The following MROH1 variants were observed in gnomAD, a reference collection of about 807,000 sequenced individuals.
MROH1 encodes maestro heat like repeat family member 1, also known as maestro heat-like repeat-containing protein family member 1.
In MROH1, 117 loss-of-function variants were observed where a neutral mutation model predicts 116.5. That is an observed-to-expected ratio of 1.00 (90% CI 0.86 to 1.17). The LOEUF (loss-of-function observed/expected upper bound fraction) is 1.17. Ranked by LOEUF, MROH1 falls within the 50% of genes most tolerant of loss-of-function variation. MROH1 has a pLI of 0.00. For synonymous variants in MROH1, 921 were observed against 583.9 expected (o/e 1.58, Z -8.32); for missense variants, 1,873 against 1,338.5 (o/e 1.40, Z -6.23).
intron 13 of MROH1, among the ~76,000 whole-genome samples, chr8:144,222,446 C>A (rs1485820311): frequency 1.3e-5 from 2 of 152,176 alleles, no homozygotes; most frequent in Non-Finnish European, 2.9e-5. Flanking sequence ...CTTCCAGGGG[C>A]AAAGGGGCCT....
chr8:144,240,523 T>A (rs1440479094), intron 19 of MROH1, 47 bp from the exon 20 acceptor site: 1 of 712,970 alleles, frequency 1.4e-6, no homozygotes, highest in African/African-American at 1.7e-5. Context: ...CAGCCAGCCC[T>A]GTGAGGGGTC....
intron 29 of MROH1, among the ~76,000 whole-genome samples, chr8:144,245,462 C>T (rs1361876306): frequency 6.6e-6 from 1 of 152,226 alleles, no homozygotes; most frequent in Non-Finnish European, 1.5e-5. Flanking sequence ...ATCAGGGGTC[C>T]ACTGTTAGCC....
intron 12 of MROH1, among the ~76,000 whole-genome samples, chr8:144,203,639 G>A (rs887477069): frequency 1.3e-5 from 2 of 152,100 alleles, no homozygotes; most frequent in Non-Finnish European, 2.9e-5. Context: ...GGCTGCTCTG[G>A]TCAGTGGTCC....
chr8:144,167,069 C>T (rs1229472196), intron 3 of MROH1, among the ~76,000 whole-genome samples: 1 of 152,208 alleles, frequency 6.6e-6, no homozygotes, highest in Non-Finnish European at 1.5e-5. Context: ...TTCCTCTGCC[C>T]CAGCAGGTGC....
intron 7 of MROH1, among the ~76,000 whole-genome samples, chr8:144,183,617 A>G (rs910255177): frequency 2.6e-5 from 4 of 151,466 alleles, no homozygotes; most frequent in South Asian, 2.1e-4. Context: ...TTGATTTCAC[A>G]TGGGAGACAA....
rs1346718979 is a variant in MROH1, at chr8:144,261,436, G to A, written c.4840+87G>A. On this transcript the variant is annotated intron_variant, in intron 43 of 43. Coordinates refer to ENST00000326134, the MANE Select transcript of MROH1 (RefSeq NM_032450.3). ...GACTAAGTGATTTTCCTGGATTTCA[G>A]GACTTTTTCCCTGTCACTGGTGACC... The A allele has an allele frequency of 2.4e-4, 170 of 700,004 alleles. 5 individuals are homozygous for A. The highest frequency in any genetic ancestry group is 2.4e-3 in the South Asian group (160 of 67,462). 43.4% of individuals were successfully genotyped at this position (700,004 alleles called of 1,614,324 possible).
chr8:144,178,671 C>T lies in MROH1; in HGVS notation c.169-784C>T, dbSNP rs914861176. Among the ~76,000 whole-genome samples, 3 of 152,262 alleles carry T rather than the reference C, an allele frequency of 2.0e-5. No homozygotes were observed. The South Asian group carries it at 6.3e-4, about 32-fold the overall frequency. On this transcript the variant is annotated intron_variant, in intron 4 of 43. Coordinates refer to ENST00000326134, the MANE Select transcript of MROH1 (RefSeq NM_032450.3). Reference sequence around the variant, plus strand: ...CGGCCATGTTGCCTGGTGCAGGCTGCTCTCAGGGTGGTGGAGGGAGGGGCC... The same window carrying T: ...CGGCCATGTTGCCTGGTGCAGGCTGTTCTCAGGGTGGTGGAGGGAGGGGCC...
At chr8:144,221,955 G>A (rs1243692132) in intron 13 of MROH1, among the ~76,000 whole-genome samples, 1 of 152,180 alleles carries the variant, frequency 6.6e-6, no homozygotes, top group Admixed American at 6.5e-5. Flanking sequence ...GGGAAGGGCT[G>A]GTTGCGCCAC....
chr8:144,236,517 G>T (rs1359454520), intron 14 of MROH1, among the ~76,000 whole-genome samples: 1 of 152,106 alleles, frequency 6.6e-6, no homozygotes, highest in Non-Finnish European at 1.5e-5. Flanking sequence ...GAGGTGGGTG[G>T]ATCACTTGAA....
intron 17 of MROH1, 48 bp downstream of exon 17, chr8:144,239,411 C>G: frequency 1.3e-6 from 1 of 780,376 alleles, no homozygotes; most frequent in Non-Finnish European, 2.4e-6. Flanking sequence ...CTCTGTGTCC[C>G]TGTGCTCCAC....
rs761478358 is a variant in MROH1 at position 144,190,742 on chromosome 8, AACCC to A, written c.563-40_563-37del. ...GACATAGGTGCTGAGGATCGTCACA[AACCC>A]ATGGCCTGCAGCCACTTACCACTGG... On this transcript the variant is annotated intron_variant, in intron 7 of 43. Transcript: ENST00000326134. 119 of 1,597,308 alleles carry A rather than the reference AACCC, an allele frequency of 7.5e-5. No individual in the cohort carries two copies. In the East Asian group the frequency reaches 2.6e-3, roughly 35 times the overall value.
intron 4 of MROH1, 115 bp from the exon 5 acceptor site, chr8:144,179,340 T>A: frequency 6.9e-7 from 1 of 1,456,718 alleles, no homozygotes; most frequent in Non-Finnish European, 9.3e-7. Context: ...CCTCCCCTCC[T>A]GCACTTGAGG....
chr8:144,213,987 C>T (rs1394648253), intron 12 of MROH1: 1 of 151,982 alleles, frequency 6.6e-6, no homozygotes, highest in Non-Finnish European at 1.5e-5. Context: ...AGATGTTCTT[C>T]TTTTTCTTTA....
At chr8:144,223,567 G>GAC (rs1259391231) in intron 14 of MROH1, among the ~76,000 whole-genome samples, 1 of 152,184 alleles carries the variant, frequency 6.6e-6, no homozygotes. Context: ...CATTGAGCCA[G>GAC]TCCTCTCAGC....
At chr8:144,237,990 G>C (rs1187067209) in intron 14 of MROH1, among the ~76,000 whole-genome samples, 1 of 152,150 alleles carries the variant, frequency 6.6e-6, no homozygotes, top group African/African-American at 2.4e-5. Flanking sequence ...TTTCATGGGT[G>C]TTGTGGATTT....
intron 29 of MROH1, among the ~76,000 whole-genome samples, chr8:144,246,024 TCCCTCACCTCCCTCCCTTCCTC>T (rs1364151856): frequency 1.4e-5 from 1 of 73,220 alleles, no homozygotes; most frequent in African/African-American, 5.8e-5. Context: ...TTTCCCTCCC[TCCCTCACCTCCCTCCCTTCCTC>T]CCCTCCCTCC....
chr8:144,242,253 C>G, intron 22 of MROH1, 116 bp from the exon 23 acceptor site: 1 of 773,398 alleles, frequency 1.3e-6, no homozygotes, highest in Non-Finnish European at 2.4e-6. Flanking sequence ...CCTCTGCTGT[C>G]ACTGACTGGC....
chr8:144,192,698 C>G, intron 10 of MROH1: 1 of 566,056 alleles, frequency 1.8e-6, no homozygotes, highest in African/African-American at 1.8e-5. Flanking sequence ...GTCAGCGCAG[C>G]TGAAGTGCCA....
rs1473097878 is a variant in MROH1, at chr8:144,190,831, G to A, written c.610G>A (p.Asp204Asn). The A allele has an allele frequency of 6.2e-7, 1 of 1,613,758 alleles. No individual in the cohort carries two copies. The highest frequency in any genetic ancestry group is 1.1e-5 in the South Asian group (1 of 91,078). Residue 204 changes from aspartate to asparagine, a missense_variant, in exon 8 of 44, where the codon GAC (aspartate) becomes AAC (asparagine). Coordinates refer to ENST00000326134, the MANE Select transcript of MROH1 (RefSeq NM_032450.3). ...TGCCCTGGAGTACCTAGCCAACCTG[G>A]ACCGAGCCCCAGACCCCACGGTCAG... Reference protein sequence around the residue: ...EGALEYLANLDRAPDPTVRKD... With the variant: ...EGALEYLANLNRAPDPTVRKD...
Sources: allele counts gnomAD v4.1 joint callset (sites outside exome capture counted in the v4.1 genomes callset), GRCh38; gene constraint gnomAD v4.1.1; transcripts MANE v1.5; gene names NCBI Gene and HGNC (gene_info 2026-07-23, HGNC 2026-07-21).